PCDH15: variants seen among roughly 807,000 people sequenced by gnomAD.
The protein encoded by PCDH15 is protocadherin-15.
Under a neutral mutation model 178.5 loss-of-function variants are expected in PCDH15, and 129 were observed. The ratio of observed to expected loss-of-function variants is 0.72; its 90% CI spans 0.63 to 0.84. PCDH15 has a LOEUF of 0.84. Among genes scored for constraint, PCDH15 ranks in the 40% least tolerant of loss-of-function variants. The pLI is 0.00. For synonymous variants in PCDH15, 800 were observed against 732.0 expected, an observed-to-expected ratio of 1.09 and a Z score of -1.50; for missense variants, 2,230 against 2,099.9, an observed-to-expected ratio of 1.06 and a Z score of -1.21.
At chr10:55,376,535 T>C (rs949529851) in intron 2 of PCDH15, among the ~76,000 whole-genome samples, 4 of 152,152 alleles carry the variant, frequency 2.6e-5, no homozygotes, top group Non-Finnish European at 5.9e-5. Context: ...AATCATGTTC[T>C]GCTTTAGTTT....
chr10:55,468,119 C>T (rs1013058977), intron 2 of PCDH15, among the ~76,000 whole-genome samples: 1 of 151,720 alleles, frequency 6.6e-6, no homozygotes, highest in Non-Finnish European at 1.5e-5. Flanking sequence ...AGTAAACAAG[C>T]AGTTTCTCAA....
chr10:55,425,677 A>C (rs923089310), intron 2 of PCDH15, among the ~76,000 whole-genome samples: 29 of 150,020 alleles, frequency 1.9e-4, no homozygotes, highest in African/African-American at 7.0e-4. Context: ...CACACAAAAA[A>C]AAACAGTGTT....
chr10:55,607,129 CA>C (rs959721136), intron 2 of PCDH15, among the ~76,000 whole-genome samples: 1 of 151,808 alleles, frequency 6.6e-6, no homozygotes, highest in Non-Finnish European at 1.5e-5. Context: ...TTTATGCAGC[CA>C]AAAAACACAT....
At chr10:54,520,472 A>G (rs1184004300) in intron 3 of PCDH15, among the ~76,000 whole-genome samples, 1 of 152,204 alleles carries the variant, frequency 6.6e-6, no homozygotes, top group African/African-American at 2.4e-5. Flanking sequence ...AATGCTCATC[A>G]TCACTGGCCA....
chr10:54,320,731 G>A lies in PCDH15; in HGVS notation c.706-3290C>T, dbSNP rs113523040. Among the ~76,000 whole-genome samples the A allele has an allele frequency of 6.4e-3, 979 of 151,966 alleles. 8 individuals carry two copies. The highest frequency in any genetic ancestry group is 0.022 in the African/African-American group (927 of 41,504). ...TCAGCATATCCTGAGTAGCTTCCAA[G>A]GGGCAGATTCCAATACACTGCTTCT... On this transcript the variant is annotated intron_variant, in intron 7 of 37. Transcript: ENST00000644397.
At chr10:54,381,389 G>A (rs1271627301) in intron 3 of PCDH15, among the ~76,000 whole-genome samples, 1 of 152,014 alleles carries the variant, frequency 6.6e-6, no homozygotes, top group African/African-American at 2.4e-5. Flanking sequence ...GACAATATTG[G>A]CAAGCAGCTA....
intron 2 of PCDH15, among the ~76,000 whole-genome samples, chr10:54,561,821 A>G (rs772744427): frequency 6.7e-4 from 102 of 151,668 alleles, no homozygotes; most frequent in Non-Finnish European, 1.0e-3. Flanking sequence ...CAAAATGAAA[A>G]CTATCAATGG....
chr10:54,937,129 T>C (rs1288353649), intron 2 of PCDH15, among the ~76,000 whole-genome samples: 1 of 152,060 alleles, frequency 6.6e-6, no homozygotes, highest in African/African-American at 2.4e-5. Flanking sequence ...AATACTCTTG[T>C]TGAAAATCAG....
chr10:55,010,021 A>G (rs1840014158), intron 2 of PCDH15, among the ~76,000 whole-genome samples: 1 of 152,126 alleles, frequency 6.6e-6, no homozygotes, highest in Admixed American at 6.6e-5. Flanking sequence ...TAACAATACA[A>G]GTATAGTGTT....
chr10:55,204,176 C>T (rs1166585495), intron 1 of PCDH15, among the ~76,000 whole-genome samples: 2 of 148,042 alleles, frequency 1.4e-5, no homozygotes, highest in South Asian at 4.2e-4. Flanking sequence ...GGATTTTATA[C>T]TAATATATTT....
chr10:53,964,071 A>T (rs577315771), intron 21 of PCDH15, among the ~76,000 whole-genome samples: 1 of 152,320 alleles, frequency 6.6e-6, no homozygotes, highest in Non-Finnish European at 1.5e-5. Flanking sequence ...TTGCCAAGGC[A>T]ATAGTCCTTT....
At chr10:53,808,327 T>C in intron 37 of PCDH15, 1 of 423,158 alleles carries the variant, frequency 2.4e-6, no homozygotes, top group South Asian at 1.1e-4. Context: ...ATAGTGTGTG[T>C]GTGTATATAT....
intron 2 of PCDH15, among the ~76,000 whole-genome samples, chr10:55,381,769 AAAGTAAAAG>A (rs1336842315): frequency 6.6e-6 from 1 of 152,194 alleles, no homozygotes; most frequent in Non-Finnish European, 1.5e-5. Context: ...AAGAATTTTA[AAAGTAAAAG>A]AAGAAAAAGA....
chr10:54,891,090 TAGA>T (rs1418208236), intron 3 of PCDH15, among the ~76,000 whole-genome samples: 4 of 151,978 alleles, frequency 2.6e-5, no homozygotes, highest in Non-Finnish European at 4.4e-5. Context: ...CCATAGGAAA[TAGA>T]GGACATGGTT....
chr10:55,597,188 C>T (rs570106356), intron 2 of PCDH15: 2 of 152,258 alleles, frequency 1.3e-5, no homozygotes, highest in African/African-American at 4.8e-5. Flanking sequence ...ACATACCCAA[C>T]CATAAGGTGC....
intron 8 of PCDH15, among the ~76,000 whole-genome samples, chr10:54,286,601 A>G (rs2059042227): frequency 6.6e-6 from 1 of 152,154 alleles, no homozygotes. Flanking sequence ...TGTACGTTCA[A>G]TCCTCTGAAA....
In PCDH15 at chr10:55,616,752, T is replaced by C. The variant is rs540293248; in HGVS notation, c.-156+10873A>G. Among the ~76,000 whole-genome samples, 50 of 152,270 alleles carry C rather than the reference T, an allele frequency of 3.3e-4. 1 individual carries two copies. In the South Asian group the frequency reaches 0.01, roughly 31 times the overall value. On this transcript the variant is annotated intron_variant, in intron 2 of 5. Coordinates refer to the PCDH15 transcript ENST00000613346. ...TAACGATTTCCAGTGTCATAAAACA[T>C]AGGTAAGAACACTGAATATTAGCAC... is the stretch of plus-strand genomic sequence containing the variant.
chr10:53,929,171 GC>G (rs1043335686), intron 25 of PCDH15, among the ~76,000 whole-genome samples: 1 of 151,986 alleles, frequency 6.6e-6, no homozygotes, highest in Non-Finnish European at 1.5e-5. Context: ...CTGCCTCAAT[GC>G]ATTTGGTTTC....
At chr10:53,847,571 T>G (rs1384127743) in intron 28 of PCDH15, among the ~76,000 whole-genome samples, 1 of 152,064 alleles carries the variant, frequency 6.6e-6, no homozygotes, top group Non-Finnish European at 1.5e-5. Flanking sequence ...TAAAAATATT[T>G]TCCTCTAATC....
Sources: gnomAD v4.1 joint callset for allele counts (sites outside exome capture counted in the v4.1 genomes callset) on GRCh38, gnomAD v4.1.1 for gene constraint, MANE v1.5 for transcripts, NCBI Gene and HGNC (gene_info 2026-07-23, HGNC 2026-07-21) for gene names.